Variants in CASK observed in about 807,000 individuals in gnomAD.
CASK encodes calcium/calmodulin dependent serine protein kinase, also known as peripheral plasma membrane protein CASK.
In CASK, 4 loss-of-function variants were observed where a neutral mutation model predicts 82.9. That is an observed-to-expected ratio of 0.05 (90% CI 0.02 to 0.11). The LOEUF is 0.11. Among genes scored for constraint, CASK ranks in the 10% least tolerant of loss-of-function variants. CASK has a pLI of 1.00. For missense variants in CASK, 358 were observed against 720.9 expected, an observed-to-expected ratio of 0.50 and a Z score of 5.76; for synonymous variants, 259 against 253.5, an observed-to-expected ratio of 1.02 and a Z score of -0.20.
At chrX:41,893,815 C>G (rs142559985) in intron 1 of CASK, among the ~76,000 whole-genome samples, 214 of 112,400 alleles carry the variant, frequency 1.9e-3, no homozygotes, top group African/African-American at 6.5e-3. Flanking sequence ...CTAGCACAAA[C>G]TTCAGTGGCC....
chrX:41,801,968 GAT>G (rs1320440173), intron 2 of CASK, among the ~76,000 whole-genome samples: 3 of 111,096 alleles, frequency 2.7e-5, no homozygotes, highest in African/African-American at 9.8e-5. Context: ...AAGATCAGAA[GAT>G]TCTTCTGTCA....
chrX:41,819,101 C>T (rs2070477774), intron 2 of CASK, among the ~76,000 whole-genome samples: 1 of 111,067 alleles, frequency 9.0e-6, no homozygotes, highest in Admixed American at 9.5e-5. Context: ...GTTAATGATA[C>T]CAAAAGCTTG....
At chrX:41,753,914 C>T (rs993853981) in intron 3 of CASK, among the ~76,000 whole-genome samples, 10 of 111,618 alleles carry the variant, frequency 9.0e-5, no homozygotes, top group Non-Finnish European at 1.5e-4. Flanking sequence ...AATTTTAAAG[C>T]AATTAATAAA....
chrX:41,569,096 G>A (rs984126202), intron 16 of CASK, among the ~76,000 whole-genome samples: 1 of 112,039 alleles, frequency 8.9e-6, no homozygotes, highest in Non-Finnish European at 1.9e-5. Context: ...TTTAATCATC[G>A]ATTTGACATC....
In CASK at chrX:41,517,610, A is replaced by G; in HGVS notation, c.*2810T>C. 2.6e-6 allele frequency: 1 copy of G among 382,914 alleles called. No individual in the cohort carries two copies. Among genetic ancestry groups the G allele is most frequent in the Admixed American group, 4.2e-5 (1 of 24,039 alleles). The allele number at this position is 382,914 out of a possible 1,213,427, so 31.6% of individuals were successfully genotyped here. A position where few individuals can be genotyped will look rare whatever the true frequency, so the allele number is the denominator to read the frequency against. On this transcript the variant is annotated 3_prime_UTR_variant, in exon 27 of 27. Transcript: ENST00000378163. ...AGAACCTTCAAAATGTGGCTCTCCA[A>G]TACTTCAATTGACCACTAATAAGAT...
At chrX:41,703,175 G>A (rs747028021) in intron 5 of CASK, among the ~76,000 whole-genome samples, 25 of 112,119 alleles carry the variant, frequency 2.2e-4, no homozygotes, top group African/African-American at 7.4e-4. Context: ...GTTATAAAAC[G>A]TTTCAAACAT....
intron 5 of CASK, among the ~76,000 whole-genome samples, chrX:41,734,955 T>C (rs775825032): frequency 8.9e-6 from 1 of 111,791 alleles, no homozygotes; most frequent in East Asian, 2.8e-4. Context: ...ATAGATTACA[T>C]GGTACCATAT....
At chrX:41,789,499 G>A (rs1017231447) in intron 2 of CASK, among the ~76,000 whole-genome samples, 17 of 111,163 alleles carry the variant, frequency 1.5e-4, no homozygotes, top group African/African-American at 4.9e-4. Flanking sequence ...GGAAGGCCCC[G>A]CAGGAGGGGA....
At chrX:41,525,616 A>G (rs1012123705) in intron 25 of CASK, among the ~76,000 whole-genome samples, 1 of 111,460 alleles carries the variant, frequency 9.0e-6, no homozygotes, top group African/African-American at 3.3e-5. Flanking sequence ...TATCTCACTC[A>G]TGCCCAATAT....
At chrX:41,528,913 C>T (rs961644702) in intron 25 of CASK, among the ~76,000 whole-genome samples, 13 of 112,226 alleles carry the variant, frequency 1.2e-4, no homozygotes, top group Admixed American at 1.1e-3. Context: ...AGACTGCGGG[C>T]ATTCTCAGCT....
intron 2 of CASK, among the ~76,000 whole-genome samples, chrX:41,789,588 A>G (rs987649224): frequency 8.9e-6 from 1 of 112,030 alleles, no homozygotes. Flanking sequence ...CTGGAGGGCC[A>G]GGCTGAGCCA....
chrX:41,710,081 TTGTGTGTG>T (rs57963407), intron 5 of CASK, among the ~76,000 whole-genome samples: 72 of 72,176 alleles, frequency 1.0e-3, no homozygotes, highest in East Asian at 4.1e-3. Context: ...GGTATAGATT[TTGTGTGTG>T]TGTGTGTGTG....
chrX:41,767,407 T>G (rs1351097216), intron 3 of CASK, among the ~76,000 whole-genome samples: 1 of 111,786 alleles, frequency 8.9e-6, no homozygotes, highest in African/African-American at 3.2e-5. Flanking sequence ...AGAGAGTTCC[T>G]GTATACCACT....
At chrX:41,788,891 G>A (rs181917350) in intron 2 of CASK, among the ~76,000 whole-genome samples, 102 of 111,405 alleles carry the variant, frequency 9.2e-4, no homozygotes, top group Non-Finnish European at 1.4e-3. Flanking sequence ...ATTGGGCTAA[G>A]TACTTAATAT....
At chrX:41,727,764 T>C (rs770109084) in intron 5 of CASK, 1 of 1,207,523 alleles carries the variant, frequency 8.3e-7, no homozygotes, top group African/African-American at 1.7e-5. Context: ...CTTACAGTTC[T>C]GTGAAAAGAC....
chrX:41,609,573 C>CA (rs2066012796), intron 12 of CASK, among the ~76,000 whole-genome samples: 1 of 99,586 alleles, frequency 1.0e-5, no homozygotes, highest in Non-Finnish European at 2.0e-5. Context: ...TTTTTTGAGA[C>CA]AGAGTCTTGC....
At chrX:41,678,166 G>A (rs953606913) in intron 5 of CASK, among the ~76,000 whole-genome samples, 8 of 111,833 alleles carry the variant, frequency 7.2e-5, no homozygotes, top group African/African-American at 2.6e-4. Context: ...TAACTTGAAG[G>A]AGTAGAACAG....
intron 2 of CASK, among the ~76,000 whole-genome samples, chrX:41,810,871 T>TA (rs965401610): frequency 9.0e-6 from 1 of 110,777 alleles, no homozygotes; most frequent in Non-Finnish European, 1.9e-5. Flanking sequence ...AGGCTCAAAA[T>TA]AAAGGATGGA....
At chrX:41,778,497 C>T (rs1372312811) in intron 3 of CASK, among the ~76,000 whole-genome samples, 2 of 109,931 alleles carry the variant, frequency 1.8e-5, no homozygotes, top group East Asian at 5.6e-4. Flanking sequence ...TCCCAAAGTG[C>T]TGGGATTACA....
Sources: gnomAD v4.1 joint callset for allele counts (sites outside exome capture counted in the v4.1 genomes callset) on GRCh38, gnomAD v4.1.1 for gene constraint, MANE v1.5 for transcripts, NCBI Gene and HGNC (gene_info 2026-07-23, HGNC 2026-07-21) for gene names.